The following GAN variants were observed in gnomAD, a reference collection of about 807,000 sequenced individuals.
GAN encodes epididymis secretory sperm binding protein.
In GAN, 48 loss-of-function variants were observed where a neutral mutation model predicts 71.3. The ratio of observed to expected loss-of-function variants is 0.67; its 90% CI spans 0.53 to 0.86. The LOEUF is 0.86. Ranked by LOEUF, GAN falls within the 40% of genes least tolerant of loss-of-function variation. The pLI is 0.00. For missense variants in GAN, 928 were observed against 770.1 expected (o/e 1.21, Z -2.43); for synonymous variants, 386 against 276.8 (o/e 1.39, Z -3.92).
At chr16:81,324,344 A>C (rs900116308) in intron 1 of GAN, among the ~76,000 whole-genome samples, 18 of 152,062 alleles carry the variant, frequency 1.2e-4, no homozygotes, top group Admixed American at 6.5e-5. Flanking sequence ...GGAAGTCCAC[A>C]GAGGATGAGC....
At chr16:81,330,080 C>G (rs11641889) in intron 1 of GAN, among the ~76,000 whole-genome samples, 52,005 of 152,016 alleles carry the variant, frequency 0.34, 10,409 homozygotes, top group East Asian at 0.72. Flanking sequence ...CCTCTCAGAT[C>G]TCTGGAATCT....
intron 9 of GAN, among the ~76,000 whole-genome samples, chr16:81,375,973 C>CA (rs55948304): frequency 0.056 from 5,995 of 106,406 alleles, 437 homozygotes; most frequent in East Asian, 0.41. Flanking sequence ...GACCCTGTCT[C>CA]AAAAAAAAAA....
chr16:81,338,020 G>A (rs1909822059), intron 1 of GAN, among the ~76,000 whole-genome samples: 1 of 152,198 alleles, frequency 6.6e-6, no homozygotes, highest in African/African-American at 2.4e-5. Context: ...AATATTCAGG[G>A]ATGGAAGAGA....
At chr16:81,317,546 G>A (rs1909084178) in intron 1 of GAN, among the ~76,000 whole-genome samples, 1 of 152,230 alleles carries the variant, frequency 6.6e-6, no homozygotes, top group African/African-American at 2.4e-5. Flanking sequence ...AGTACCCATT[G>A]AATTAGGAAA....
At chr16:81,372,349 C>T (rs1911062923) in intron 9 of GAN, among the ~76,000 whole-genome samples, 1 of 151,792 alleles carries the variant, frequency 6.6e-6, no homozygotes, top group African/African-American at 2.4e-5. Flanking sequence ...TTCATTTCAT[C>T]CTCACAACAG....
chr16:81,345,041 C>G (rs1910071101), intron 1 of GAN, among the ~76,000 whole-genome samples: 2 of 152,124 alleles, frequency 1.3e-5, no homozygotes, highest in African/African-American at 4.8e-5. Flanking sequence ...CAAATCAAAA[C>G]CACAATGAGA....
intron 2 of GAN, 75 bp downstream of exon 2, chr16:81,351,772 A>C (rs1467571296): frequency 1.3e-6 from 1 of 787,986 alleles, no homozygotes; most frequent in East Asian, 2.4e-5. Context: ...CCTTTCATCC[A>C]TTATATGACA....
intron 3 of GAN, among the ~76,000 whole-genome samples, chr16:81,356,404 TATA>T (rs1475059846): frequency 6.6e-6 from 1 of 152,202 alleles, no homozygotes; most frequent in East Asian, 1.9e-4. Flanking sequence ...TATTACTGTA[TATA>T]ATATTTGTAT....
intron 1 of GAN, among the ~76,000 whole-genome samples, chr16:81,316,636 T>C (rs367879534): frequency 2.0e-5 from 3 of 152,208 alleles, no homozygotes; most frequent in African/African-American, 7.2e-5. Flanking sequence ...GTCTTCCCTG[T>C]TTGGGAAAAT....
In GAN at chr16:81,390,288, C is replaced by T. The variant is rs1386890929; in HGVS notation, c.*12692C>T. The T allele has an allele frequency of 6.6e-6, 1 of 152,202 alleles. No individual in the cohort carries two copies. The highest frequency in any genetic ancestry group is 1.5e-5 in the Non-Finnish European group (1 of 68,034). The allele number at this position is 152,202 out of a possible 1,614,324, so 9.4% of individuals were successfully genotyped here. On this transcript the variant is annotated 3_prime_UTR_variant, in exon 11 of 11. Transcript: ENST00000648994. ...TCATTGAAATGTCACGTCTCACATC[C>T]TGTGGTCCAAAGGTACTAGTTTGTT...
intron 5 of GAN, among the ~76,000 whole-genome samples, chr16:81,359,798 C>A (rs1910612099): frequency 6.6e-6 from 1 of 152,068 alleles, no homozygotes; most frequent in Admixed American, 6.5e-5. Flanking sequence ...AGTTTAAGTT[C>A]AGCACAGTAA....
chr16:81,344,374 C>T (rs1012167563), intron 1 of GAN, among the ~76,000 whole-genome samples: 2 of 152,140 alleles, frequency 1.3e-5, no homozygotes, highest in Non-Finnish European at 2.9e-5. Context: ...AACTTTACTA[C>T]AAGGCTGCAG....
At chr16:81,350,807 C>T (rs1038136378) in intron 1 of GAN, among the ~76,000 whole-genome samples, 8 of 152,196 alleles carry the variant, frequency 5.3e-5, no homozygotes, top group Non-Finnish European at 1.0e-4. Flanking sequence ...GCGTGAGCCA[C>T]TGCACCCAGC....
chr16:81,315,855 A>T (rs1909021582), intron 1 of GAN, among the ~76,000 whole-genome samples: 1 of 152,242 alleles, frequency 6.6e-6, no homozygotes, highest in East Asian at 1.9e-4. Context: ...AACCCTCTCG[A>T]TGTTCTCCTT....
At chr16:81,355,065 AC>A (rs1296959995) in intron 3 of GAN, among the ~76,000 whole-genome samples, 3 of 152,156 alleles carry the variant, frequency 2.0e-5, no homozygotes, top group African/African-American at 7.2e-5. Flanking sequence ...CAGTATCCCC[AC>A]CCTTGCTCTC....
intron 5 of GAN, 65 bp downstream of exon 5, chr16:81,357,996 C>T: frequency 2.3e-6 from 3 of 1,284,018 alleles, no homozygotes; most frequent in Non-Finnish European, 3.4e-6. Context: ...CAAGGTTTTA[C>T]AGAATGACTC....
At chr16:81,321,773 A>G (rs935107905) in intron 1 of GAN, among the ~76,000 whole-genome samples, 3 of 152,202 alleles carry the variant, frequency 2.0e-5, no homozygotes, top group Non-Finnish European at 2.9e-5. Flanking sequence ...ATATAAATGA[A>G]TGATTTGTGA....
In GAN at chr16:81,316,742, G is replaced by A. The variant is rs528599260; in HGVS notation, c.167+1462G>A. ...GTAAATTGCAAATTGCCGAATCCTTGCTTGTTATCCTTGTTCGTTTTTCTC... is the reference window on the plus strand; with the variant it reads ...GTAAATTGCAAATTGCCGAATCCTTACTTGTTATCCTTGTTCGTTTTTCTC... On this transcript the variant is annotated intron_variant, in intron 1 of 10. Coordinates refer to ENST00000648994, the MANE Select transcript of GAN (RefSeq NM_022041.4). Among the ~76,000 whole-genome samples, 198 of 152,302 alleles carry A rather than the reference G, an allele frequency of 1.3e-3. 2 individuals are homozygous for A. The highest frequency in any genetic ancestry group is 0.013 in the Admixed American group (197 of 15,296).
At chr16:81,365,564 G>C (rs539966784) in intron 9 of GAN, 86 bp downstream of exon 9, 1 of 1,325,150 alleles carries the variant, frequency 7.5e-7, no homozygotes, top group East Asian at 2.3e-5. Context: ...TTTGTTTTCA[G>C]TCACTTTATT....
Sources: allele counts gnomAD v4.1 joint callset (sites outside exome capture counted in the v4.1 genomes callset), GRCh38; gene constraint gnomAD v4.1.1; transcripts MANE v1.5; gene names NCBI Gene and HGNC (gene_info 2026-07-23, HGNC 2026-07-21).